Variants in SLC35A3 observed in about 807,000 individuals in gnomAD.
SLC35A3 encodes the protein solute carrier family 35 member A3.
SLC35A3 carries 26 observed loss-of-function variants against 39.0 expected under a neutral mutation model. The observed-to-expected ratio is 0.67, with a 90% confidence interval of 0.49 to 0.92. SLC35A3 has a LOEUF of 0.92. Among genes scored for constraint, SLC35A3 ranks in the 40% least tolerant of loss-of-function variants. The pLI is 0.00. For synonymous variants in SLC35A3, 135 were observed against 133.1 expected (o/e 1.01, Z -0.10); for missense variants, 299 against 371.6 (o/e 0.80, Z 1.61).
chr1:99,986,969 C>CT (rs1657780244), intron 1 of SLC35A3, among the ~76,000 whole-genome samples: 1 of 152,214 alleles, frequency 6.6e-6, no homozygotes, highest in Non-Finnish European at 1.5e-5. Context: ...ATAAACAAGA[C>CT]TTCCTTGAAC....
chr1:100,004,549 G>A (rs893297367), intron 3 of SLC35A3, among the ~76,000 whole-genome samples: 5 of 151,714 alleles, frequency 3.3e-5, no homozygotes, highest in Admixed American at 6.6e-5. Flanking sequence ...AGATCTGCCC[G>A]CCTTGGCCTC....
chr1:100,007,308 GACATACT>G (rs1659309674), intron 4 of SLC35A3, 152 bp downstream of exon 4: 1 of 625,686 alleles, frequency 1.6e-6, no homozygotes, highest in Non-Finnish European at 2.7e-6. Context: ...TCCTTTATGT[GACATACT>G]ACATTGGGAG....
intron 1 of SLC35A3, among the ~76,000 whole-genome samples, chr1:99,976,043 G>A (rs1485894147): frequency 6.6e-6 from 1 of 152,092 alleles, no homozygotes; most frequent in Admixed American, 6.6e-5. Flanking sequence ...CTGGGTGACA[G>A]AGTCAGACTT....
At chr1:100,001,461 A>C (rs1290258091) in intron 3 of SLC35A3, among the ~76,000 whole-genome samples, 1 of 150,770 alleles carries the variant, frequency 6.6e-6, no homozygotes, top group Non-Finnish European at 1.5e-5. Flanking sequence ...TTTTGTAGCT[A>C]TTGGAAATAA....
chr1:99,970,530 A>T (rs1161131974), intron 1 of SLC35A3: 1 of 1,534,118 alleles, frequency 6.5e-7, no homozygotes, highest in Non-Finnish European at 8.7e-7. Flanking sequence ...CCTTCAGTGA[A>T]CATCCCATGA....
chr1:99,970,058 G>A lies in SLC35A3; in HGVS notation c.-123G>A, dbSNP rs568312385. The A allele has an allele frequency of 2.0e-5, 3 of 153,094 alleles. No homozygotes were observed. The highest frequency in any genetic ancestry group is 6.5e-5 in the Admixed American group (1 of 15,310). The allele number at this position is 153,094 out of a possible 1,614,324, so 9.5% of individuals were successfully genotyped here. ...GGCGACGGGAGCCGGCGGCGCTGCGGGTCAGCGGTCGCGTAGGACCCAGCG... is the reference window on the plus strand; with the variant it reads ...GGCGACGGGAGCCGGCGGCGCTGCGAGTCAGCGGTCGCGTAGGACCCAGCG... On this transcript the variant is annotated 5_prime_UTR_variant, in exon 1 of 8. Transcript: ENST00000533028.
In SLC35A3 at chr1:99,993,644, A is replaced by G. The variant is rs752842117; in HGVS notation, c.90A>G (p.Leu30=). 1 of 1,614,022 alleles carries G rather than the reference A, an allele frequency of 6.2e-7. No homozygotes were observed. Among genetic ancestry groups the G allele is most frequent in the South Asian group, 1.1e-5 (1 of 91,078 alleles). Reference sequence around the variant, plus strand: ...TAACAATGCGTTATTCCAGAACTTTAAAAGAAGAAGGACCTCGTTATCTAT... The same window carrying G: ...TAACAATGCGTTATTCCAGAACTTTGAAAGAAGAAGGACCTCGTTATCTAT... The part of the protein sequence containing the change: ...LVLTMRYSRT[L]KEEGPRYLSS... Residue 30 remains leucine (L), a synonymous_variant, in exon 2 of 8, where the codon TTA becomes TTG. Coordinates refer to ENST00000533028, the MANE Select transcript of SLC35A3 (RefSeq NM_012243.3).
At chr1:99,993,430 A>C (rs1251954181) in intron 1 of SLC35A3, 107 bp from the exon 2 acceptor site, 1 of 787,990 alleles carries the variant, frequency 1.3e-6, no homozygotes, top group Non-Finnish European at 1.9e-6. Context: ...TGGCAGGTGG[A>C]GGAGAGACCT....
In SLC35A3 at chr1:100,023,594, T is replaced by A. The variant is rs1039806104; in HGVS notation, c.*1118T>A. 20 of 152,264 alleles carry A rather than the reference T, an allele frequency of 1.3e-4. No homozygotes were observed. Among genetic ancestry groups the A allele is most frequent in the Admixed American group, 5.2e-4 (8 of 15,288 alleles). 9.4% of individuals were successfully genotyped at this position (152,264 alleles called of 1,614,324 possible). Reference sequence around the variant, plus strand: ...TATTACTTTATTTTAAACAGCGCTATGACTTTAAATCCAAGGCTGCTCGGA... The same window carrying A: ...TATTACTTTATTTTAAACAGCGCTAAGACTTTAAATCCAAGGCTGCTCGGA... On this transcript the variant is annotated 3_prime_UTR_variant, in exon 8 of 8. Coordinates refer to ENST00000533028, the MANE Select transcript of SLC35A3 (RefSeq NM_012243.3).
chr1:100,019,156 CTT>C (rs71590280), intron 7 of SLC35A3, among the ~76,000 whole-genome samples: 16 of 141,914 alleles, frequency 1.1e-4, no homozygotes, highest in Non-Finnish European at 1.4e-4. Context: ...AAAAGCATAC[CTT>C]TTTTTTTTTT....
chr1:100,028,081 A>AGG lies in SLC35A3; in HGVS notation c.*5606_*5607dup, dbSNP rs1427378528. On this transcript the variant is annotated 3_prime_UTR_variant, in exon 8 of 8. Transcript: ENST00000533028. ...CAGCCTCCCTAGTAACTGGGATTACAGGCCATGCCACCACGCCCAACTAAT... is the reference window on the plus strand; with the variant it reads ...CAGCCTCCCTAGTAACTGGGATTACAGGGGCCATGCCACCACGCCCAACTAAT... The AGG allele has an allele frequency of 6.6e-6, 1 of 151,466 alleles. No individual in the cohort carries two copies. Among genetic ancestry groups the AGG allele is most frequent in the Non-Finnish European group, 1.5e-5 (1 of 68,218 alleles). The allele number at this position is 151,466 out of a possible 1,614,324, so 9.4% of individuals were successfully genotyped here.
chr1:99,988,879 G>C lies in SLC35A3; in HGVS notation c.-18-4658G>C, dbSNP rs111348737. ...CTTCCTGGGCTCAAGCCATCCTCCT[G>C]CCTCAGCCTCCTGAGTAGCTGGAAC... On this transcript the variant is annotated intron_variant, in intron 1 of 7. Transcript: ENST00000533028. Among the ~76,000 whole-genome samples, 977 of 152,104 alleles carry C rather than the reference G, an allele frequency of 6.4e-3. 17 individuals carry two copies. The highest frequency in any genetic ancestry group is 0.023 in the African/African-American group (947 of 41,482).
chr1:100,020,961 A>C (rs1015724711), intron 7 of SLC35A3, among the ~76,000 whole-genome samples: 7 of 152,182 alleles, frequency 4.6e-5, no homozygotes, highest in African/African-American at 1.4e-4. Flanking sequence ...AGGGCCTTTT[A>C]ATAATGATTA....
At chr1:100,008,545 T>G (rs1188707198) in intron 4 of SLC35A3, 1 of 152,374 alleles carries the variant, frequency 6.6e-6, no homozygotes, top group East Asian at 1.9e-4. Flanking sequence ...TAGACTCATT[T>G]CTGCTGCTGC....
intron 3 of SLC35A3, among the ~76,000 whole-genome samples, chr1:100,001,231 C>T (rs1189416906): frequency 1.3e-5 from 2 of 151,946 alleles, no homozygotes. Context: ...ATTGTTTTTT[C>T]TGTTTCTGTG....
At chr1:100,016,217 A>G (rs574471206) in intron 6 of SLC35A3, among the ~76,000 whole-genome samples, 2 of 151,814 alleles carry the variant, frequency 1.3e-5, no homozygotes, top group Admixed American at 6.6e-5. Context: ...GGCATGTGCC[A>G]CCACGCCCAG....
intron 5 of SLC35A3, among the ~76,000 whole-genome samples, chr1:100,013,682 G>GTA (rs947307992): frequency 2.6e-5 from 4 of 151,102 alleles, no homozygotes; most frequent in Admixed American, 1.3e-4. Context: ...ATATATGTGT[G>GTA]TATATATATA....
intron 1 of SLC35A3, among the ~76,000 whole-genome samples, chr1:99,977,292 C>T (rs1196054930): frequency 2.8e-5 from 4 of 145,260 alleles, no homozygotes; most frequent in East Asian, 4.0e-4. Context: ...TAGAGGCGGG[C>T]GGATCACCAG....
In SLC35A3 at chr1:100,031,391, T is replaced by C. The variant is rs117664188; in HGVS notation, c.*8915T>C. On this transcript the variant is annotated 3_prime_UTR_variant, in exon 8 of 8. Coordinates refer to ENST00000533028, the MANE Select transcript of SLC35A3 (RefSeq NM_012243.3). ...CTCCAGCATGCGTGACCTAAAGATA[T>C]GGACATCTTCTTAATTAACCTCAGT... 3 of 152,342 alleles carry C rather than the reference T, an allele frequency of 2.0e-5. No individual in the cohort carries two copies. The highest frequency in any genetic ancestry group is 1.9e-4 in the East Asian group (1 of 5,188). The allele number at this position is 152,342 out of a possible 1,614,324, so 9.4% of individuals were successfully genotyped here. A position where few individuals can be genotyped will look rare whatever the true frequency, so the allele number is the denominator to read the frequency against.
Sources: gnomAD v4.1 joint callset for allele counts (sites outside exome capture counted in the v4.1 genomes callset) on GRCh38, gnomAD v4.1.1 for gene constraint, MANE v1.5 for transcripts, NCBI Gene and HGNC (gene_info 2026-07-23, HGNC 2026-07-21) for gene names.